SLX9: variants seen among roughly 807,000 people sequenced by gnomAD.
SLX9 encodes the protein ribosome biogenesis protein SLX9 homolog.
Under a neutral mutation model 20.8 loss-of-function variants are expected in SLX9, and 19 were observed. The observed-to-expected ratio is 0.91, with a 90% CI of 0.64 to 1.34. The LOEUF is 1.34. Among genes scored for constraint, SLX9 ranks in the 40% most tolerant of loss-of-function variants. The pLI is 0.00. For synonymous variants in SLX9, 113 were observed against 137.1 expected, an observed-to-expected ratio of 0.82 and a Z score of 1.23; for missense variants, 299 against 322.2, an observed-to-expected ratio of 0.93 and a Z score of 0.55.
chr21:44,974,109 T>C (rs1033002414), intron 5 of SLX9, among the ~76,000 whole-genome samples: 4 of 152,250 alleles, frequency 2.6e-5, no homozygotes, highest in African/African-American at 4.8e-5. Flanking sequence ...CTCTTGCCTC[T>C]TTGCAGACTC....
At chr21:44,968,753 C>CTTTTTTT (rs35304604) in intron 4 of SLX9, among the ~76,000 whole-genome samples, 4 of 132,948 alleles carry the variant, frequency 3.0e-5, no homozygotes, top group Non-Finnish European at 3.2e-5. Context: ...CATCTCTGTG[C>CTTTTTTT]TTTTTTTTTT....
intron 4 of SLX9, among the ~76,000 whole-genome samples, chr21:44,971,190 A>ACGC (rs749579143): frequency 5.8e-4 from 17 of 29,238 alleles, no homozygotes; most frequent in Non-Finnish European, 1.6e-3. Flanking sequence ...AGTGGTGGTG[A>ACGC]CGCCGCTGCT....
rs776314593 is a variant in SLX9, at chr21:44,976,794, C to T, written c.684C>T (p.Gly228=). The T allele has an allele frequency of 7.1e-6, 11 of 1,543,394 alleles. No individual in the cohort carries two copies. In the South Asian group the frequency reaches 1.2e-4, roughly 17 times the overall value. ...GGCAGATGCAGCTGGAAGATGGCGG[C>T]CAGCTCTGACCAGGGCAGCGGGCAT... ...LARQMQLEDG[G]QL is the part of the protein sequence containing the mutation. Residue 228 remains glycine, a synonymous_variant, in exon 6 of 6, where the codon GGC becomes GGT. Coordinates refer to ENST00000291634, the MANE Select transcript of SLX9 (RefSeq NM_058190.4).
At chr21:44,958,465 T>C (rs2084897913) in intron 2 of SLX9, 2 of 152,302 alleles carry the variant, frequency 1.3e-5, no homozygotes, top group Admixed American at 1.3e-4. Flanking sequence ...GACTTCACAC[T>C]GTCCCCACCA....
At position 44,970,134 on chromosome 21, in the gene SLX9, C is replaced by T. The variant is rs115621014; in HGVS notation, c.500+2953C>T. ...CATGCTGTCCGCTTTGGGAGGAAGT[C>T]GCTCTGCAGCCCTGGCCTCGGGGTG... On this transcript the variant is annotated intron_variant, in intron 4 of 5. Transcript: ENST00000291634. Among the ~76,000 whole-genome samples the T allele has an allele frequency of 2.4e-3, 370 of 152,324 alleles. 1 individual carries two copies. Among genetic ancestry groups the T allele is most frequent in the African/African-American group, 8.3e-3 (347 of 41,574 alleles).
chr21:44,957,032 G>A lies in SLX9; in HGVS notation c.284-3068G>A, dbSNP rs571873405. ...AGAGCACGGGCCCTGGCTCCTGCGC[G>A]GCAGCGTCTCACCTTCCCTTTTCTT... On this transcript the variant is annotated intron_variant, in intron 2 of 5. Coordinates refer to ENST00000291634, the MANE Select transcript of SLX9 (RefSeq NM_058190.4). 1.4e-4 allele frequency among the ~76,000 whole-genome samples: 21 copies of A among 152,362 alleles called. 1 individual carries two copies. The highest frequency in any genetic ancestry group is 4.3e-4 in the African/African-American group (18 of 41,586).
At chr21:44,970,593 G>C (rs1052956897) in intron 4 of SLX9, among the ~76,000 whole-genome samples, 101 of 152,214 alleles carry the variant, frequency 6.6e-4, no homozygotes, top group Non-Finnish European at 1.8e-4. Flanking sequence ...TGGGCGGCGG[G>C]CCGTGTCTCT....
chr21:44,968,521 C>T (rs1015789063), intron 4 of SLX9, among the ~76,000 whole-genome samples: 1 of 152,184 alleles, frequency 6.6e-6, no homozygotes, highest in African/African-American at 2.4e-5. Flanking sequence ...GCCCGTCTCC[C>T]AGGAGCTTGG....
intron 2 of SLX9, among the ~76,000 whole-genome samples, chr21:44,947,201 C>T (rs945809134): frequency 5.9e-5 from 9 of 152,190 alleles, no homozygotes; most frequent in African/African-American, 2.2e-4. Context: ...GCCTGAGTGC[C>T]CATGTCATGC....
chr21:44,955,288 T>C (rs1391366450), intron 2 of SLX9, among the ~76,000 whole-genome samples: 1 of 150,994 alleles, frequency 6.6e-6, no homozygotes, highest in East Asian at 1.9e-4. Context: ...CCTAGTCCCC[T>C]GTGCTCCTGC....
chr21:44,959,548 C>T (rs889024146), intron 2 of SLX9, among the ~76,000 whole-genome samples: 1 of 152,212 alleles, frequency 6.6e-6, no homozygotes, highest in African/African-American at 2.4e-5. Context: ...CACAGGGGCA[C>T]CTGTGGAGTT....
intron 5 of SLX9, 145 bp from the exon 6 acceptor site, chr21:44,976,535 C>T (rs1257364989): frequency 2.3e-6 from 3 of 1,295,622 alleles, no homozygotes; most frequent in African/African-American, 1.5e-5. Context: ...TCCCCTCCTG[C>T]CGGAAGTTTC....
intron 5 of SLX9, among the ~76,000 whole-genome samples, chr21:44,976,168 C>T (rs1232640152): frequency 6.6e-6 from 1 of 152,240 alleles, no homozygotes; most frequent in East Asian, 1.9e-4. Context: ...GCTGAGTGGC[C>T]GCCGGGCTGG....
chr21:44,944,077 C>T (rs980244655), intron 2 of SLX9, among the ~76,000 whole-genome samples: 5 of 152,360 alleles, frequency 3.3e-5, no homozygotes, highest in African/African-American at 7.2e-5. Context: ...CTGGCAGCCA[C>T]GCTGAAGCCA....
chr21:44,958,113 G>A (rs1420135201), intron 2 of SLX9: 1 of 152,330 alleles, frequency 6.6e-6, no homozygotes, highest in Non-Finnish European at 1.5e-5. Context: ...TTCAGGCCCT[G>A]TGTGAGGAGC....
intron 3 of SLX9, among the ~76,000 whole-genome samples, chr21:44,960,964 T>C (rs531843303): frequency 5.3e-5 from 8 of 152,376 alleles, no homozygotes; most frequent in Admixed American, 2.6e-4. Context: ...CTTTATTTTT[T>C]CCTTGGAGGT....
At chr21:44,949,790 G>T (rs2084720241) in intron 2 of SLX9, among the ~76,000 whole-genome samples, 1 of 152,188 alleles carries the variant, frequency 6.6e-6, no homozygotes. Context: ...GGCAGGGCTG[G>T]CTCTCCCGGT....
chr21:44,957,219 C>CA (rs1271318350), intron 2 of SLX9, among the ~76,000 whole-genome samples: 1 of 152,240 alleles, frequency 6.6e-6, no homozygotes, highest in African/African-American at 2.4e-5. Flanking sequence ...GGTTTCTAGT[C>CA]ACTCCCCAAG....
intron 2 of SLX9, chr21:44,958,425 G>C (rs866766973): frequency 1.3e-5 from 2 of 152,326 alleles, no homozygotes; most frequent in Admixed American, 6.5e-5. Flanking sequence ...CTTGTCGTAG[G>C]TAAGTTTAGA....
Sources: allele counts gnomAD v4.1 joint callset (sites outside exome capture counted in the v4.1 genomes callset), GRCh38; gene constraint gnomAD v4.1.1; transcripts MANE v1.5; gene names NCBI Gene and HGNC (gene_info 2026-07-23, HGNC 2026-07-21).